The following TMPRSS15 variants were observed in gnomAD, a reference collection of about 807,000 sequenced individuals.
TMPRSS15 encodes the protein transmembrane serine protease 15.
A neutral mutation model predicts 125.3 loss-of-function variants in TMPRSS15; 128 were observed. The observed-to-expected ratio is 1.02, with a 90% CI of 0.89 to 1.18. TMPRSS15 has a LOEUF of 1.18. Ranked by LOEUF, TMPRSS15 falls within the 50% of genes most tolerant of loss-of-function variation. The probability of loss-of-function intolerance (pLI) is 0.00; values close to 1 mark genes in which losing one functional copy is unlikely to be tolerated. For synonymous variants in TMPRSS15, 446 were observed against 423.2 expected (o/e 1.05, Z -0.66); for missense variants, 1,283 against 1,212.7 (o/e 1.06, Z -0.86).
chr21:18,312,847 C>A, intron 18 of TMPRSS15, 98 bp downstream of exon 18: 3 of 1,471,776 alleles, frequency 2.0e-6, no homozygotes, highest in Non-Finnish European at 2.8e-6. Context: ...TTTCTAAATT[C>A]ATAACTTTAT....
At chr21:18,373,746 C>T (rs1370537588) in intron 5 of TMPRSS15, among the ~76,000 whole-genome samples, 1 of 152,166 alleles carries the variant, frequency 6.6e-6, no homozygotes, top group Non-Finnish European at 1.5e-5. Context: ...AGCTCCACTT[C>T]CTGATGTATC....
intron 1 of TMPRSS15, among the ~76,000 whole-genome samples, chr21:18,428,141 C>G (rs1278435074): frequency 1.3e-5 from 2 of 152,106 alleles, no homozygotes; most frequent in South Asian, 2.1e-4. Flanking sequence ...AGATATGAAG[C>G]CTTTCTTTTA....
intron 1 of TMPRSS15, among the ~76,000 whole-genome samples, chr21:18,417,418 G>A (rs1221316641): frequency 1.3e-5 from 2 of 152,080 alleles, no homozygotes; most frequent in Non-Finnish European, 2.9e-5. Flanking sequence ...AATAAACAAA[G>A]ATGGCATGAA....
chr21:18,410,158 T>A lies in TMPRSS15; in HGVS notation c.11-11829A>T, dbSNP rs545743854. Among the ~76,000 whole-genome samples the A allele has an allele frequency of 7.6e-4, 115 of 151,570 alleles. 1 individual carries two copies. Among genetic ancestry groups the A allele is most frequent in the African/African-American group, 2.8e-3 (114 of 41,258 alleles). ...AATTTAAGTGGTTAGAGAAAGGTTT[T>A]GAGGCAGGAGTATAAATTCACATGA... On this transcript the variant is annotated intron_variant, in intron 1 of 7. Transcript: ENST00000422787.
intron 1 of TMPRSS15, among the ~76,000 whole-genome samples, chr21:18,432,207 A>G (rs549094354): frequency 1.2e-4 from 18 of 152,082 alleles, no homozygotes; most frequent in African/African-American, 4.3e-4. Context: ...CCTCTTATTT[A>G]TCCTTTAAGC....
intron 15 of TMPRSS15, among the ~76,000 whole-genome samples, chr21:18,328,539 T>C (rs1484382312): frequency 6.6e-6 from 1 of 152,166 alleles, no homozygotes. Context: ...TAATACCAGC[T>C]GGTAGGAACT....
At chr21:18,436,445 A>C (rs1397025820) in intron 1 of TMPRSS15, among the ~76,000 whole-genome samples, 2 of 152,038 alleles carry the variant, frequency 1.3e-5, no homozygotes, top group Non-Finnish European at 2.9e-5. Context: ...AGTGGTTTTG[A>C]GTGAGTTTCT....
chr21:18,310,947 T>G (rs1249965987), intron 18 of TMPRSS15, among the ~76,000 whole-genome samples: 6 of 144,936 alleles, frequency 4.1e-5, no homozygotes, highest in Non-Finnish European at 7.4e-5. Flanking sequence ...TTTTTTTTTT[T>G]TTTTTTTAAC....
At chr21:18,412,930 G>T (rs2076169691) in intron 1 of TMPRSS15, among the ~76,000 whole-genome samples, 1 of 152,084 alleles carries the variant, frequency 6.6e-6, no homozygotes, top group South Asian at 2.1e-4. Context: ...TTAGATCCTT[G>T]GAAACGTTGT....
intron 19 of TMPRSS15, 96 bp downstream of exon 19, chr21:18,297,638 C>A: frequency 1.2e-6 from 1 of 828,628 alleles, no homozygotes; most frequent in Non-Finnish European, 2.1e-6. Flanking sequence ...GATTATATGA[C>A]CAGTATGTAA....
chr21:18,417,212 C>T (rs1217119288), intron 1 of TMPRSS15, among the ~76,000 whole-genome samples: 2 of 151,832 alleles, frequency 1.3e-5, no homozygotes, highest in Admixed American at 1.3e-4. Context: ...TGTCTATTAC[C>T]TTTTCTCACA....
chr21:18,467,121 A>G (rs1464212835), intron 1 of TMPRSS15, among the ~76,000 whole-genome samples: 1 of 152,156 alleles, frequency 6.6e-6, no homozygotes, highest in Non-Finnish European at 1.5e-5. Flanking sequence ...GACATGGATG[A>G]AGCTGGAAAC....
At position 18,305,338 on chromosome 21, in the gene TMPRSS15, G is replaced by A. The variant is rs373014994; in HGVS notation, c.2166-7509C>T. Among the ~76,000 whole-genome samples the A allele has an allele frequency of 3.6e-4, 54 of 151,828 alleles. No homozygotes were observed. In the South Asian group the frequency reaches 6.2e-3, roughly 18 times the overall value. On this transcript the variant is annotated intron_variant, in intron 18 of 24. Coordinates refer to ENST00000284885, the MANE Select transcript of TMPRSS15 (RefSeq NM_002772.3). Reference sequence around the variant, plus strand: ...CGAGTAGCTGGGACTACAGGCGCCCGCCACCGCGCCCGGCTAATTTTTTGT... The same window carrying A: ...CGAGTAGCTGGGACTACAGGCGCCCACCACCGCGCCCGGCTAATTTTTTGT...
intron 16 of TMPRSS15, among the ~76,000 whole-genome samples, chr21:18,320,517 A>G (rs1056721743): frequency 6.6e-6 from 1 of 152,226 alleles, no homozygotes; most frequent in African/African-American, 2.4e-5. Context: ...GGAAACAGAC[A>G]AATATCTGAA....
intron 1 of TMPRSS15, among the ~76,000 whole-genome samples, chr21:18,473,920 T>C (rs1978827563): frequency 6.6e-6 from 1 of 152,142 alleles, no homozygotes; most frequent in South Asian, 2.1e-4. Flanking sequence ...CTTAACTGTT[T>C]CAACTAGTTT....
chr21:18,323,827 G>A (rs1222177507), intron 16 of TMPRSS15, among the ~76,000 whole-genome samples: 5 of 152,108 alleles, frequency 3.3e-5, no homozygotes, highest in African/African-American at 1.2e-4. Context: ...TTTTGCAGAA[G>A]AGAGTACATA....
chr21:18,382,925 T>C (rs973509435), intron 4 of TMPRSS15, among the ~76,000 whole-genome samples: 3 of 152,142 alleles, frequency 2.0e-5, no homozygotes, highest in South Asian at 2.1e-4. Flanking sequence ...ATATTTCTTC[T>C]TTTTTGGTTT....
intron 18 of TMPRSS15, among the ~76,000 whole-genome samples, chr21:18,307,618 C>G (rs2207387): frequency 0.91 from 138,053 of 152,176 alleles, 62,736 homozygotes; most frequent in East Asian, 1. Flanking sequence ...TCATGGAACA[C>G]ATACAATATC....
chr21:18,444,132 G>A (rs2076249665), intron 1 of TMPRSS15, among the ~76,000 whole-genome samples: 1 of 152,118 alleles, frequency 6.6e-6, no homozygotes, highest in East Asian at 1.9e-4. Flanking sequence ...TTCCAGCCTC[G>A]TAGTCCTACT....
Sources: allele counts gnomAD v4.1 joint callset (sites outside exome capture counted in the v4.1 genomes callset), GRCh38; gene constraint gnomAD v4.1.1; transcripts MANE v1.5; gene names NCBI Gene and HGNC (gene_info 2026-07-23, HGNC 2026-07-21).